Variants in OPCML observed in about 807,000 individuals in gnomAD.
OPCML encodes the protein opioid binding protein/cell adhesion molecule like.
OPCML carries 13 observed loss-of-function variants against 37.8 expected under a neutral mutation model. The ratio of observed to expected loss-of-function variants is 0.34; its 90% CI spans 0.22 to 0.55. OPCML has a LOEUF of 0.55. Among genes scored for constraint, OPCML ranks in the 20% least tolerant of loss-of-function variants. The pLI is 0.91. For synonymous variants in OPCML, 176 were observed against 168.8 expected (o/e 1.04, Z -0.33); for missense variants, 341 against 435.6 (o/e 0.78, Z 1.93).
intron 2 of OPCML, among the ~76,000 whole-genome samples, chr11:132,699,089 A>T (rs1943709167): frequency 6.6e-6 from 1 of 151,944 alleles, no homozygotes; most frequent in African/African-American, 2.4e-5. Context: ...CCTCCTGGTT[A>T]AATTTATTCC....
chr11:133,492,664 G>GATGTTA, intron 1 of OPCML, among the ~76,000 whole-genome samples: 1 of 148,954 alleles, frequency 6.7e-6, no homozygotes, highest in Non-Finnish European at 1.5e-5. Flanking sequence ...AAGTAATCCT[G>GATGTTA]ATGTTAATAT....
At chr11:132,957,993 C>T (rs899647391) in intron 1 of OPCML, among the ~76,000 whole-genome samples, 2 of 152,144 alleles carry the variant, frequency 1.3e-5, no homozygotes, top group Admixed American at 6.5e-5. Flanking sequence ...GCACATTCCT[C>T]GCTTCAAATA....
intron 3 of OPCML, among the ~76,000 whole-genome samples, chr11:132,531,880 A>G (rs2137307903): frequency 6.6e-6 from 1 of 152,238 alleles, no homozygotes; most frequent in East Asian, 1.9e-4. Context: ...TCTCAGAATA[A>G]CGTCGCTTCA....
intron 2 of OPCML, among the ~76,000 whole-genome samples, chr11:132,907,171 G>A (rs952136327): frequency 2.6e-5 from 4 of 152,116 alleles, no homozygotes; most frequent in African/African-American, 9.7e-5. Flanking sequence ...CCAACAGGGG[G>A]CCGCAGCTCC....
intron 2 of OPCML, among the ~76,000 whole-genome samples, chr11:132,677,755 A>C (rs1942772160): frequency 6.6e-6 from 1 of 152,204 alleles, no homozygotes; most frequent in African/African-American, 2.4e-5. Context: ...TGTTTAAAAA[A>C]TTAACTCAAA....
At chr11:132,771,569 C>T (rs376755335) in intron 2 of OPCML, 38 of 152,316 alleles carry the variant, frequency 2.5e-4, no homozygotes, top group African/African-American at 8.4e-4. Context: ...GAGGCTCCCA[C>T]CACACTCATT....
At chr11:133,249,529 C>T (rs949131882) in intron 1 of OPCML, among the ~76,000 whole-genome samples, 2 of 152,082 alleles carry the variant, frequency 1.3e-5, no homozygotes, top group Non-Finnish European at 2.9e-5. Flanking sequence ...AGCTACTGGC[C>T]CCTCCCAACT....
At chr11:132,487,879 T>C (rs1005896452) in intron 4 of OPCML, among the ~76,000 whole-genome samples, 10 of 152,250 alleles carry the variant, frequency 6.6e-5, no homozygotes, top group African/African-American at 2.4e-4. Flanking sequence ...TAGTTTTTCC[T>C]TCTCAATTTG....
intron 3 of OPCML, among the ~76,000 whole-genome samples, chr11:132,611,932 T>G (rs544978175): frequency 3.3e-4 from 50 of 152,194 alleles, no homozygotes; most frequent in African/African-American, 1.2e-3. Flanking sequence ...CAAGACTCAT[T>G]TACAGTAGCG....
chr11:132,957,148 A>AAAACCG (rs1945991750), intron 1 of OPCML, among the ~76,000 whole-genome samples: 1 of 152,184 alleles, frequency 6.6e-6, no homozygotes, highest in Non-Finnish European at 1.5e-5. Context: ...AACCAAAACC[A>AAAACCG]AAACAAAACA....
intron 1 of OPCML, among the ~76,000 whole-genome samples, chr11:133,165,489 C>G (rs149866760): frequency 1.3e-5 from 2 of 152,284 alleles, no homozygotes; most frequent in African/African-American, 4.8e-5. Flanking sequence ...TCTGGGTTTG[C>G]AGAGGAACTC....
chr11:133,369,595 G>A (rs890368073), intron 1 of OPCML, among the ~76,000 whole-genome samples: 3 of 152,146 alleles, frequency 2.0e-5, no homozygotes, highest in African/African-American at 7.2e-5. Flanking sequence ...ACAAAGTACA[G>A]GAGTCATGAG....
At chr11:132,711,644 A>G in intron 2 of OPCML, among the ~76,000 whole-genome samples, 1 of 152,252 alleles carries the variant, frequency 6.6e-6, no homozygotes, top group East Asian at 1.9e-4. Flanking sequence ...ACATAGAACC[A>G]TTGCGTGTGA....
At chr11:132,546,928 G>A (rs933779959) in intron 3 of OPCML, among the ~76,000 whole-genome samples, 3 of 152,324 alleles carry the variant, frequency 2.0e-5, no homozygotes, top group Admixed American at 6.5e-5. Context: ...AGCCTGTGTG[G>A]CCCTACCTTC....
chr11:133,492,406 A>AC (rs772169765), intron 1 of OPCML, among the ~76,000 whole-genome samples: 5 of 152,080 alleles, frequency 3.3e-5, no homozygotes, highest in Non-Finnish European at 7.4e-5. Context: ...TTTCACCCAC[A>AC]CTTTTTCTAC....
chr11:132,763,951 G>A (rs919117667), intron 2 of OPCML, among the ~76,000 whole-genome samples: 8 of 152,204 alleles, frequency 5.3e-5, no homozygotes, highest in Admixed American at 2.0e-4. Flanking sequence ...AGGCAACCAC[G>A]TTCTGGCCTC....
At chr11:132,780,520 T>C (rs1409076497) in intron 2 of OPCML, among the ~76,000 whole-genome samples, 1 of 152,244 alleles carries the variant, frequency 6.6e-6, no homozygotes. Flanking sequence ...TGCTGTGGCA[T>C]TTTTGAAAGC....
chr11:133,053,328 T>C (rs1948165908), intron 1 of OPCML, among the ~76,000 whole-genome samples: 1 of 152,250 alleles, frequency 6.6e-6, no homozygotes, highest in African/African-American at 2.4e-5. Flanking sequence ...GTCATTATCA[T>C]AATCATCATC....
intron 3 of OPCML, among the ~76,000 whole-genome samples, chr11:132,623,421 A>G (rs1295189815): frequency 6.6e-6 from 1 of 152,068 alleles, no homozygotes; most frequent in South Asian, 2.1e-4. Context: ...TTTTGGGGGA[A>G]AAAAAAGAGA....
Sources: allele counts gnomAD v4.1 joint callset (sites outside exome capture counted in the v4.1 genomes callset), GRCh38; gene constraint gnomAD v4.1.1; transcripts MANE v1.5; gene names NCBI Gene and HGNC (gene_info 2026-07-23, HGNC 2026-07-21).